The following SDK1 variants were observed in gnomAD, a reference collection of about 807,000 sequenced individuals.
SDK1 encodes protein sidekick-1.
A neutral mutation model predicts 245.5 loss-of-function variants in SDK1; 157 were observed. The ratio of observed to expected loss-of-function variants is 0.64; its 90% CI spans 0.56 to 0.73. SDK1 has a LOEUF of 0.73. Ranked by LOEUF, SDK1 falls within the 30% of genes least tolerant of loss-of-function variation. The pLI, the probability that SDK1 is intolerant of heterozygous loss-of-function variation, is 0.00. For missense variants in SDK1, 3,583 were observed against 3,002.3 expected (o/e 1.19, Z -4.52); for synonymous variants, 1,647 against 1,278.5 (o/e 1.29, Z -6.15).
At chr7:3,885,878 A>G (rs1051019938) in intron 5 of SDK1, among the ~76,000 whole-genome samples, 2 of 152,206 alleles carry the variant, frequency 1.3e-5, no homozygotes, top group Admixed American at 1.3e-4. Flanking sequence ...GATGCCGGAG[A>G]AAAGTATGCA....
intron 20 of SDK1, among the ~76,000 whole-genome samples, chr7:4,074,856 T>TACTTTCTCTCTCTCTCTCTCCC (rs1486926440): frequency 1.4e-5 from 1 of 72,338 alleles, no homozygotes; most frequent in Non-Finnish European, 2.5e-5. Context: ...GAGCAAGACT[T>TACTTTCTCTCTCTCTCTCTCCC]TCTCTCTCTC....
rs1434668214 is a variant in SDK1, at chr7:4,026,498, G to C, written c.2602+9146G>C. Among the ~76,000 whole-genome samples the C allele has an allele frequency of 6.6e-6, 1 of 152,224 alleles. No individual in the cohort carries two copies. The highest frequency in any genetic ancestry group is 1.9e-4 in the East Asian group (1 of 5,196). On this transcript the variant is annotated intron_variant, in intron 17 of 44. Coordinates refer to ENST00000404826, the MANE Select transcript of SDK1 (RefSeq NM_152744.4). The surrounding 1 kb of genome is among the most constrained non-coding windows in gnomAD (Gnocchi z 4.1). ...GCAGACAGCCTGCCAGGGCCTGCGG[G>C]CTCTCCCCACGTGCTGTGCCCCCAC...
chr7:3,618,623 C>T (rs1282875347), intron 1 of SDK1, among the ~76,000 whole-genome samples: 1 of 152,096 alleles, frequency 6.6e-6, no homozygotes, highest in Non-Finnish European at 1.5e-5. Flanking sequence ...AGCTAGGTTG[C>T]GATTCATGTC....
At chr7:3,621,401 T>A (rs959894) in intron 2 of SDK1, among the ~76,000 whole-genome samples, 99,412 of 151,960 alleles carry the variant, frequency 0.65, 32,909 homozygotes, top group South Asian at 0.78. Flanking sequence ...GAGAGTTCTC[T>A]TAAAAATTAA....
In SDK1 at chr7:3,640,040, A is replaced by G. The variant is rs1321341139; in HGVS notation, c.565+930A>G. 3.3e-5 allele frequency among the ~76,000 whole-genome samples: 5 copies of G among 152,014 alleles called. No homozygotes were observed. In the East Asian group the frequency reaches 9.7e-4, roughly 29 times the overall value. On this transcript the variant is annotated intron_variant, in intron 3 of 44. Transcript: ENST00000404826. ...CTGGCTAATTTCTTTTGTTTTTGGTAGGGGAGGGATCGCACTGCATTGCCC... is the reference window on the plus strand; with the variant it reads ...CTGGCTAATTTCTTTTGTTTTTGGTGGGGGAGGGATCGCACTGCATTGCCC...
intron 1 of SDK1, among the ~76,000 whole-genome samples, chr7:3,616,308 G>C (rs1781769264): frequency 6.6e-6 from 1 of 152,206 alleles, no homozygotes; most frequent in East Asian, 1.9e-4. Context: ...TGAATGTGAG[G>C]TGGGCAGCAT....
At position 3,792,613 on chromosome 7, in the gene SDK1, CCCATCCATCCAT is replaced by C. The variant is rs3084872; in HGVS notation, c.714-28817_714-28806del. On this transcript the variant is annotated intron_variant, in intron 4 of 44. Transcript: ENST00000404826. ...TATTGCCTTCTCTCCCTTTCTCCCTCCCATCCATCCATCCATCCATCCATCCATCCACCTGTC... is the reference window on the plus strand; with the variant it reads ...TATTGCCTTCTCTCCCTTTCTCCCTCCCATCCATCCATCCATCCACCTGTC... 3.8e-3 allele frequency among the ~76,000 whole-genome samples: 562 copies of C among 148,562 alleles called. 1 individual carries two copies. Among genetic ancestry groups the C allele is most frequent in the African/African-American group, 0.013 (534 of 39,772 alleles).
chr7:4,244,783 TG>T (rs140436685), intron 43 of SDK1, among the ~76,000 whole-genome samples: 2,708 of 152,330 alleles, frequency 0.018, 53 homozygotes, highest in South Asian at 0.1. Flanking sequence ...TTCAGCCTGC[TG>T]GCAGCATGCA....
intron 4 of SDK1, among the ~76,000 whole-genome samples, chr7:3,672,917 A>G (rs1229265172): frequency 6.7e-6 from 1 of 149,774 alleles, no homozygotes; most frequent in Non-Finnish European, 1.5e-5. Flanking sequence ...GCTCTATTCT[A>G]ACTCTTGAAA....
At chr7:3,590,617 A>G (rs576712050) in intron 1 of SDK1, among the ~76,000 whole-genome samples, 1 of 152,282 alleles carries the variant, frequency 6.6e-6, no homozygotes, top group African/African-American at 2.4e-5. Context: ...GGAAGATTGC[A>G]AATTTCAAAT....
At chr7:4,113,690 T>C (rs1783499484) in intron 24 of SDK1, among the ~76,000 whole-genome samples, 1 of 152,210 alleles carries the variant, frequency 6.6e-6, no homozygotes, top group Non-Finnish European at 1.5e-5. Flanking sequence ...GCAGGAAAGC[T>C]GGGGGTGCCT....
intron 28 of SDK1, among the ~76,000 whole-genome samples, chr7:4,141,308 G>A (rs1779569934): frequency 6.6e-6 from 1 of 152,230 alleles, no homozygotes; most frequent in South Asian, 2.1e-4. Context: ...AGCTTGGCAA[G>A]AAGAAACCAG....
chr7:4,059,344 C>T (rs1554325976), intron 19 of SDK1, among the ~76,000 whole-genome samples: 1 of 152,006 alleles, frequency 6.6e-6, no homozygotes, highest in Non-Finnish European at 1.5e-5. Context: ...TAAAAAGAGA[C>T]AAAGAAGGTT....
intron 4 of SDK1, among the ~76,000 whole-genome samples, chr7:3,684,460 C>G (rs1480329512): frequency 4.6e-5 from 7 of 152,188 alleles, no homozygotes; most frequent in Non-Finnish European, 1.0e-4. Flanking sequence ...AGAAGCCCAG[C>G]ATAAAGCTGA....
intron 1 of SDK1, among the ~76,000 whole-genome samples, chr7:3,308,585 TTAGG>T (rs1779476026): frequency 2.6e-5 from 4 of 152,106 alleles, no homozygotes; most frequent in African/African-American, 9.7e-5. Flanking sequence ...TTTTTGGAGA[TTAGG>T]TAGATGAACA....
intron 1 of SDK1, among the ~76,000 whole-genome samples, chr7:3,586,064 G>A (rs1312254101): frequency 6.6e-6 from 1 of 152,112 alleles, no homozygotes; most frequent in South Asian, 2.1e-4. Context: ...AAGAGGAATT[G>A]CCTTTGATGG....
chr7:3,525,371 C>T (rs868334603), intron 1 of SDK1, among the ~76,000 whole-genome samples: 12 of 152,186 alleles, frequency 7.9e-5, no homozygotes, highest in Middle Eastern at 3.4e-3. Flanking sequence ...CTTGCACCTA[C>T]GGAAAATCCT....
chr7:3,822,859 C>A (rs975162602), intron 5 of SDK1, among the ~76,000 whole-genome samples: 3 of 151,978 alleles, frequency 2.0e-5, no homozygotes, highest in African/African-American at 7.3e-5. Flanking sequence ...GCCTTAGGCC[C>A]AGTAGAATTG....
chr7:3,924,475 C>A (rs1185238496), intron 5 of SDK1, among the ~76,000 whole-genome samples: 1 of 152,188 alleles, frequency 6.6e-6, no homozygotes, highest in Non-Finnish European at 1.5e-5. Context: ...CCCACCCCTG[C>A]TGCACCCAGA....
Sources: gnomAD v4.1 joint callset for allele counts (sites outside exome capture counted in the v4.1 genomes callset) on GRCh38, gnomAD v4.1.1 for gene constraint, Gnocchi (gnomAD v3.1) non-coding constraint, MANE v1.5 for transcripts, NCBI Gene and HGNC (gene_info 2026-07-23, HGNC 2026-07-21) for gene names.